OLA1: variants seen among roughly 807,000 people sequenced by gnomAD.
The protein encoded by OLA1 is Obg like ATPase 1.
OLA1 carries 14 observed loss-of-function variants against 48.4 expected under a neutral mutation model. That is an observed-to-expected ratio of 0.29 (90% confidence interval 0.19 to 0.45). The LOEUF is 0.45. OLA1 is among the 20% of genes least tolerant of loss of function. The probability of loss-of-function intolerance (pLI) is 1.00; values close to 1 mark genes in which losing one functional copy is unlikely to be tolerated. For missense variants in OLA1, 325 were observed against 467.1 expected, an observed-to-expected ratio of 0.70 and a Z score of 2.80; for synonymous variants, 127 against 150.4, an observed-to-expected ratio of 0.84 and a Z score of 1.14.
At chr2:174,096,502 C>T (rs1270959563) in intron 7 of OLA1, among the ~76,000 whole-genome samples, 4 of 152,136 alleles carry the variant, frequency 2.6e-5, no homozygotes, top group African/African-American at 9.7e-5. Context: ...CTAATATTCC[C>T]CACATTATGA....
At chr2:174,239,632 A>G (rs1343014984) in intron 2 of OLA1, among the ~76,000 whole-genome samples, 1 of 150,388 alleles carries the variant, frequency 6.6e-6, no homozygotes, top group African/African-American at 2.4e-5. Flanking sequence ...TAATCCCAGC[A>G]CTTGGAAGGA....
rs2105471305 is a variant in OLA1 at position 174,247,750 on chromosome 2, C to T, written c.-1+702G>A. On this transcript the variant is annotated intron_variant, in intron 1 of 10. Coordinates refer to ENST00000284719, the MANE Select transcript of OLA1 (RefSeq NM_013341.5). ...CTCATCAGTCCTCATAAGCAACCTCCAAAATCTACATTATGGTTACTATTT... is the reference window on the plus strand; with the variant it reads ...CTCATCAGTCCTCATAAGCAACCTCTAAAATCTACATTATGGTTACTATTT... 1.9e-6 allele frequency: 3 copies of T among 1,551,056 alleles called. No individual in the cohort carries two copies. In the East Asian group the frequency reaches 7.3e-5, roughly 38 times the overall value.
At chr2:174,189,881 AAC>A (rs1380034694) in intron 4 of OLA1, among the ~76,000 whole-genome samples, 18 of 147,062 alleles carry the variant, frequency 1.2e-4, no homozygotes, top group East Asian at 3.9e-4. Flanking sequence ...AAAAAAACAA[AAC>A]ACACACACAC....
At position 174,238,072 on chromosome 2, in the gene OLA1, T is replaced by C. The variant is rs1273767904; in HGVS notation, c.102-8621A>G. Among the ~76,000 whole-genome samples the C allele has an allele frequency of 2.0e-5, 3 of 152,308 alleles. 1 individual carries two copies. Among genetic ancestry groups the C allele is most frequent in the Middle Eastern group, 6.8e-3 (2 of 294 alleles). ...TGTAATAGGCATCCCAGAAAGGGAA[T>C]AAAGTAGAAGATTATCTTCAAAGCA... On this transcript the variant is annotated intron_variant, in intron 2 of 10. Transcript: ENST00000284719.
At chr2:174,165,118 A>T (rs1687130826) in intron 4 of OLA1, among the ~76,000 whole-genome samples, 1 of 152,202 alleles carries the variant, frequency 6.6e-6, no homozygotes, top group African/African-American at 2.4e-5. Flanking sequence ...AGTAACTGCA[A>T]GCCAATATAT....
chr2:174,095,325 G>GTTTTTTTTTTTTT (rs1205716344), intron 7 of OLA1, among the ~76,000 whole-genome samples: 95 of 77,936 alleles, frequency 1.2e-3, no homozygotes, highest in Non-Finnish European at 1.6e-3. Context: ...GTTATTTCCT[G>GTTTTTTTTTTTTT]TTTTTTTTTT....
chr2:174,200,164 GT>G (rs1303816559), intron 4 of OLA1, among the ~76,000 whole-genome samples: 3 of 151,898 alleles, frequency 2.0e-5, no homozygotes, highest in Non-Finnish European at 4.4e-5. Context: ...TTTTAATACG[GT>G]AAATACTGAT....
At position 174,093,355 on chromosome 2, in the gene OLA1, C is replaced by A. The variant is rs1347940005; in HGVS notation, c.729-11291G>T. Reference sequence around the variant, plus strand: ...ATGGTGGTGAGCACCTATAGTCAAGCCACCCAGGAGGTTGAGGTGGGAGGA... The same window carrying A: ...ATGGTGGTGAGCACCTATAGTCAAGACACCCAGGAGGTTGAGGTGGGAGGA... On this transcript the variant is annotated intron_variant, in intron 7 of 10. Transcript: ENST00000284719. 2.0e-5 allele frequency among the ~76,000 whole-genome samples: 3 copies of A among 151,770 alleles called. No individual in the cohort carries two copies. The East Asian group carries it at 5.8e-4, about 29-fold the overall frequency.
chr2:174,125,394 C>T (rs892824041), intron 5 of OLA1, among the ~76,000 whole-genome samples: 1 of 152,048 alleles, frequency 6.6e-6, no homozygotes, highest in Admixed American at 6.6e-5. Flanking sequence ...CAGCTGGTTA[C>T]TATGATGAGT....
chr2:174,168,006 G>A (rs531728294), intron 4 of OLA1, among the ~76,000 whole-genome samples: 1 of 152,282 alleles, frequency 6.6e-6, no homozygotes, highest in Admixed American at 6.5e-5. Flanking sequence ...CTGCACTGGA[G>A]AGCAAAGGAA....
At chr2:174,187,264 T>C (rs1223051640) in intron 4 of OLA1, among the ~76,000 whole-genome samples, 1 of 152,208 alleles carries the variant, frequency 6.6e-6, no homozygotes, top group African/African-American at 2.4e-5. Context: ...CAAGTCTATA[T>C]TGCTCGAGAA....
chr2:174,228,751 C>T (rs778374023), intron 3 of OLA1, among the ~76,000 whole-genome samples: 2 of 152,122 alleles, frequency 1.3e-5, no homozygotes, highest in Non-Finnish European at 2.9e-5. Context: ...TATAAACAAA[C>T]ACATTTAGTT....
intron 4 of OLA1, among the ~76,000 whole-genome samples, chr2:174,163,762 ATATATATAT>A (rs1687085880): frequency 3.3e-5 from 1 of 30,228 alleles, no homozygotes; most frequent in Non-Finnish European, 6.5e-5. Context: ...ATATATATAT[ATATATATAT>A]ATATAAATAA....
chr2:174,205,600 C>T (rs1180727833), intron 4 of OLA1, among the ~76,000 whole-genome samples: 1 of 152,162 alleles, frequency 6.6e-6, no homozygotes, highest in East Asian at 1.9e-4. Context: ...GAAATACAAA[C>T]AAAATATCTA....
chr2:174,173,174 A>G (rs1185980451), intron 4 of OLA1, among the ~76,000 whole-genome samples: 1 of 152,178 alleles, frequency 6.6e-6, no homozygotes, highest in East Asian at 1.9e-4. Flanking sequence ...AAACCACAAG[A>G]CAGCAAAGTG....
At chr2:174,157,191 T>C (rs1321659317) in intron 4 of OLA1, among the ~76,000 whole-genome samples, 1 of 152,224 alleles carries the variant, frequency 6.6e-6, no homozygotes, top group Non-Finnish European at 1.5e-5. Context: ...AAATGTTTAC[T>C]GGATGTTAAT....
At chr2:174,087,185 C>T (rs1005826847) in intron 7 of OLA1, among the ~76,000 whole-genome samples, 2 of 152,020 alleles carry the variant, frequency 1.3e-5, no homozygotes, top group African/African-American at 4.8e-5. Context: ...CGCCACCACA[C>T]CCAGACAATT....
intron 4 of OLA1, among the ~76,000 whole-genome samples, chr2:174,151,789 C>A (rs983473375): frequency 6.6e-6 from 1 of 152,098 alleles, no homozygotes; most frequent in Non-Finnish European, 1.5e-5. Context: ...CTGGAAAATA[C>A]AAACTCCTAT....
rs1684702148 is a variant in OLA1 at position 174,075,197 on chromosome 2, AG to A, written c.*228del. On this transcript the variant is annotated 3_prime_UTR_variant, in exon 11 of 11. Transcript: ENST00000284719. ...CTGAAAAGCTTCTACAATTTGGAGT[AG>A]GGTCTTAATCACGTGAAAAGCAAAG... The A allele has an allele frequency of 4.9e-6, 2 of 407,398 alleles. No individual in the cohort carries two copies. The allele number at this position is 407,398 out of a possible 1,614,324, so 25.2% of individuals were successfully genotyped here.
Sources: gnomAD v4.1 joint callset for allele counts (sites outside exome capture counted in the v4.1 genomes callset) on GRCh38, gnomAD v4.1.1 for gene constraint, MANE v1.5 for transcripts, NCBI Gene and HGNC (gene_info 2026-07-23, HGNC 2026-07-21) for gene names.